Variants in OTUD7A observed in about 807,000 individuals in gnomAD.
OTUD7A encodes the protein OTU domain-containing protein 7A.
OTUD7A carries 12 observed loss-of-function variants against 65.7 expected under a neutral mutation model. The observed-to-expected ratio is 0.18, with a 90% confidence interval of 0.12 to 0.30. The LOEUF is 0.30. Among genes scored for constraint, OTUD7A ranks in the 10% least tolerant of loss-of-function variants. The pLI, the probability that OTUD7A is intolerant of heterozygous loss-of-function variation, is 1.00. For missense variants in OTUD7A, 1,148 were observed against 1,304.8 expected (o/e 0.88, Z 1.85); for synonymous variants, 641 against 586.3 (o/e 1.09, Z -1.35).
At chr15:31,636,935 T>C (rs1024547487) in intron 3 of OTUD7A, among the ~76,000 whole-genome samples, 3 of 152,176 alleles carry the variant, frequency 2.0e-5, no homozygotes, top group Non-Finnish European at 4.4e-5. Context: ...TAGCAGAGGC[T>C]GGTTCATGAG....
chr15:31,643,722 G>C (rs1891583918), intron 3 of OTUD7A, among the ~76,000 whole-genome samples: 1 of 152,082 alleles, frequency 6.6e-6, no homozygotes, highest in African/African-American at 2.4e-5. Flanking sequence ...TACATTATTT[G>C]GTGCTGGACA....
At chr15:31,751,005 C>T (rs572305571) in intron 1 of OTUD7A, among the ~76,000 whole-genome samples, 1 of 152,268 alleles carries the variant, frequency 6.6e-6, no homozygotes, top group Non-Finnish European at 1.5e-5. Flanking sequence ...CCCTTCTGGA[C>T]ATCAGCCTAG....
chr15:31,507,355 T>G (rs573561062), intron 8 of OTUD7A, among the ~76,000 whole-genome samples: 27 of 152,006 alleles, frequency 1.8e-4, no homozygotes, highest in African/African-American at 6.5e-4. Context: ...GATCTGTATG[T>G]TTTTTTTGTG....
At chr15:31,567,328 G>T (rs1247878400) in intron 4 of OTUD7A, among the ~76,000 whole-genome samples, 1 of 152,234 alleles carries the variant, frequency 6.6e-6, no homozygotes, top group Non-Finnish European at 1.5e-5. Context: ...GTCTGAACTT[G>T]ATGATTTAGG....
intron 3 of OTUD7A, among the ~76,000 whole-genome samples, chr15:31,643,912 G>C (rs1198451693): frequency 6.6e-6 from 1 of 152,130 alleles, no homozygotes; most frequent in Admixed American, 6.5e-5. Flanking sequence ...TCTTCTAATA[G>C]AAAGCAGCCT....
At chr15:31,766,002 G>A (rs1895084791) in intron 1 of OTUD7A, 26 of 1,548,410 alleles carry the variant, frequency 1.7e-5, no homozygotes, top group South Asian at 1.5e-4. Context: ...AAACTCCTGA[G>A]CACTAATCTG....
intron 2 of OTUD7A, among the ~76,000 whole-genome samples, chr15:31,655,729 G>C (rs1346843812): frequency 6.6e-6 from 1 of 152,060 alleles, no homozygotes; most frequent in Non-Finnish European, 1.5e-5. Flanking sequence ...TAAGGCAAGG[G>C]GTCATCACTA....
intron 1 of OTUD7A, among the ~76,000 whole-genome samples, chr15:31,842,954 G>A (rs1292891164): frequency 6.6e-6 from 1 of 152,128 alleles, no homozygotes; most frequent in Non-Finnish European, 1.5e-5. Flanking sequence ...CTGAGGGAAT[G>A]GACGAGAAAC....
At chr15:31,554,739 G>C (rs1450822399) in intron 5 of OTUD7A, among the ~76,000 whole-genome samples, 3 of 152,186 alleles carry the variant, frequency 2.0e-5, no homozygotes, top group African/African-American at 7.2e-5. Context: ...GGCAGCAGAT[G>C]ATACTTCCCA....
At chr15:31,490,138 C>A (rs2041298152) in intron 10 of OTUD7A, among the ~76,000 whole-genome samples, 1 of 152,224 alleles carries the variant, frequency 6.6e-6, no homozygotes, top group South Asian at 2.1e-4. Flanking sequence ...GCTCAGGATG[C>A]CTCTGCTTCT....
intron 5 of OTUD7A, among the ~76,000 whole-genome samples, chr15:31,552,337 T>A (rs964966602): frequency 1.3e-5 from 2 of 152,222 alleles, no homozygotes; most frequent in African/African-American, 4.8e-5. Context: ...GACAATAGGA[T>A]TTGAGACACC....
In OTUD7A at chr15:31,483,587, C is replaced by A; in HGVS notation, c.2509G>T (p.Val837Leu). 8.1e-7 allele frequency: 1 copy of A among 1,236,836 alleles called. No individual in the cohort carries two copies. Among genetic ancestry groups the A allele is most frequent in the South Asian group, 2.9e-5 (1 of 34,690 alleles). 76.6% of individuals were successfully genotyped at this position (1,236,836 alleles called of 1,614,324 possible). A position where few individuals can be genotyped will look rare whatever the true frequency, so the allele number is the denominator to read the frequency against. Residue 837 changes from valine (V) to leucine (L), a missense_variant, in exon 13 of 13, where the codon GTG becomes TTG. This residue lies in a region of OTUD7A where 842 missense variants were observed against 769.5 expected (regional missense o/e 1.09). Coordinates refer to ENST00000307050, the MANE Select transcript of OTUD7A (RefSeq NM_001382637.1). The part of the protein sequence containing the change: ...VNTVESLARA[V>L]PGALPGAAGT... The stretch of plus-strand genomic sequence containing the variant: ...GCCGCGCCCGGTAGGGCCCCGGGCA[C>A]CGCGCGCGCCAGCGACTCGACCGTG...
chr15:31,627,658 A>G (rs1422130419), intron 3 of OTUD7A, among the ~76,000 whole-genome samples: 2 of 152,174 alleles, frequency 1.3e-5, no homozygotes, highest in Admixed American at 6.5e-5. Context: ...TCCCTGAGGA[A>G]TCGCCACACT....
intron 1 of OTUD7A, among the ~76,000 whole-genome samples, chr15:31,736,239 A>G (rs1033052779): frequency 1.3e-5 from 2 of 152,214 alleles, no homozygotes; most frequent in Non-Finnish European, 2.9e-5. Context: ...TAATAATGAT[A>G]AAAGCAGTGA....
chr15:31,723,614 A>G (rs1893807970), intron 1 of OTUD7A, among the ~76,000 whole-genome samples: 1 of 103,024 alleles, frequency 9.7e-6, no homozygotes. Context: ...CACCAGAGAG[A>G]GCTAGTTCAT....
chr15:31,866,296 G>C (rs772844519), intron 1 of OTUD7A, among the ~76,000 whole-genome samples: 1 of 152,232 alleles, frequency 6.6e-6, no homozygotes. Context: ...TGTAGCTGCT[G>C]CATGGCCCAC....
chr15:31,799,255 G>T (rs960187463), intron 1 of OTUD7A, among the ~76,000 whole-genome samples: 2 of 152,106 alleles, frequency 1.3e-5, no homozygotes, highest in Non-Finnish European at 2.9e-5. Context: ...TAATCCAGAC[G>T]GTAGCCCCAG....
At chr15:31,717,779 T>C (rs1384160906) in intron 1 of OTUD7A, among the ~76,000 whole-genome samples, 6 of 152,230 alleles carry the variant, frequency 3.9e-5, no homozygotes, top group African/African-American at 1.4e-4. Context: ...CTGGGTCAAA[T>C]GGTATTTCTA....
intron 5 of OTUD7A, among the ~76,000 whole-genome samples, chr15:31,547,866 T>A (rs1456491833): frequency 2.6e-5 from 4 of 152,170 alleles, no homozygotes; most frequent in African/African-American, 9.7e-5. Flanking sequence ...CATGATTCAG[T>A]GAACCAGCTG....
Sources: gnomAD v4.1 joint callset for allele counts (sites outside exome capture counted in the v4.1 genomes callset) on GRCh38, gnomAD v4.1.1 for gene constraint, gnomAD v4.1.1 regional missense constraint, MANE v1.5 for transcripts, NCBI Gene and HGNC (gene_info 2026-07-23, HGNC 2026-07-21) for gene names.